Variants in ARPP21 observed in about 807,000 individuals in gnomAD.
ARPP21 encodes cAMP-regulated phosphoprotein 21.
ARPP21 carries 69 observed loss-of-function variants against 113.2 expected under a neutral mutation model. The ratio of observed to expected loss-of-function variants is 0.61; its 90% CI spans 0.50 to 0.74. The LOEUF (loss-of-function observed/expected upper bound fraction) is 0.74. Ranked by LOEUF, ARPP21 falls within the 30% of genes least tolerant of loss-of-function variation. The probability of loss-of-function intolerance (pLI) is 0.00; values close to 1 mark genes in which losing one functional copy is unlikely to be tolerated. For synonymous variants in ARPP21, 368 were observed against 375.5 expected (o/e 0.98, Z 0.23); for missense variants, 1,070 against 1,037.4 (o/e 1.03, Z -0.43).
rs759882309 is a variant in ARPP21 at position 35,682,851 on chromosome 3, C to G, written c.133C>G (p.Arg45Gly). ...TTATTTTCTTTCCAACATACAGAGG[C>G]GGCTGGAGGCTCAGAATCAAGAAAG... ...DEEEKLELQRRLEAQNQERRK... is the reference protein window; with the variant it reads ...DEEEKLELQRGLEAQNQERRK... The change falls in exon 4 of 21, where the codon CGG (arginine) becomes GGG (glycine). Residue 45 changes from arginine to glycine, a missense_variant. Coordinates refer to ENST00000684406, the MANE Select transcript of ARPP21 (RefSeq NM_001385562.1). 1 of 1,607,084 alleles carries G rather than the reference C, an allele frequency of 6.2e-7. No homozygotes were observed. Among genetic ancestry groups the G allele is most frequent in the African/African-American group, 1.3e-5 (1 of 74,326 alleles).
intron 9 of ARPP21, among the ~76,000 whole-genome samples, chr3:35,706,184 G>C (rs1381322639): frequency 6.6e-6 from 1 of 152,152 alleles, no homozygotes; most frequent in African/African-American, 2.4e-5. Flanking sequence ...CTCTGTGGAT[G>C]AACCCAAGTC....
chr3:35,694,460 ATT>A (rs2083196376), intron 9 of ARPP21, among the ~76,000 whole-genome samples: 1 of 149,944 alleles, frequency 6.7e-6, no homozygotes, highest in Admixed American at 6.7e-5. Flanking sequence ...GTAAATGTAT[ATT>A]ATTACATTTA....
chr3:35,664,971 G>A (rs532386259), intron 1 of ARPP21, among the ~76,000 whole-genome samples: 1 of 152,286 alleles, frequency 6.6e-6, no homozygotes, highest in Non-Finnish European at 1.5e-5. Context: ...CCTAATTCAA[G>A]TGAGACTTCT....
intron 19 of ARPP21, among the ~76,000 whole-genome samples, chr3:35,762,053 C>T (rs1205783473): frequency 1.3e-5 from 2 of 151,162 alleles, no homozygotes; most frequent in Admixed American, 1.3e-4. Context: ...TCCCTCAACA[C>T]CAAGGTCAAA....
Position 35,738,258 on chromosome 3 carries a change from A to G in ARPP21, c.1689A>G (p.Pro563=), listed in dbSNP as rs2012153. 690,038 of 1,534,614 alleles carry G rather than the reference A, an allele frequency of 0.45. 159,266 individuals are homozygous for G. Among genetic ancestry groups the G allele is most frequent in the African/African-American group, 0.48 (35,052 of 72,964 alleles). ...CTTCCTCCCAGTCAGTGCAATATCC[A>G]GCAGTCTCTTTTCCTCCCCAGCACC... ...LQASSQSVQY[P]AVSFPPQHLL... Residue 563 remains proline (P), a synonymous_variant, in exon 17 of 21, where the codon CCA becomes CCG. Coordinates refer to ENST00000684406, the MANE Select transcript of ARPP21 (RefSeq NM_001385562.1).
At chr3:35,693,683 G>T (rs1041132551) in intron 9 of ARPP21, among the ~76,000 whole-genome samples, 1 of 151,568 alleles carries the variant, frequency 6.6e-6, no homozygotes, top group African/African-American at 2.4e-5. Flanking sequence ...TAAGTGTCTT[G>T]GTTTTTTTGG....
At chr3:35,780,883 T>C (rs1401511087) in intron 19 of ARPP21, among the ~76,000 whole-genome samples, 1 of 151,892 alleles carries the variant, frequency 6.6e-6, no homozygotes. Flanking sequence ...AAGCAGGCAA[T>C]CAGAGACAGA....
chr3:35,649,856 C>T (rs1047739088), intron 1 of ARPP21, among the ~76,000 whole-genome samples: 8 of 152,102 alleles, frequency 5.3e-5, no homozygotes, highest in Non-Finnish European at 1.2e-4. Flanking sequence ...ACTGAATTCA[C>T]GTTTTACCCG....
chr3:35,732,501 C>A (rs568968940), intron 15 of ARPP21, among the ~76,000 whole-genome samples: 4 of 152,196 alleles, frequency 2.6e-5, no homozygotes, highest in Admixed American at 6.5e-5. Flanking sequence ...CATTTTCATT[C>A]TTCCAAGGCA....
intron 1 of ARPP21, among the ~76,000 whole-genome samples, chr3:35,661,078 A>T (rs1051839143): frequency 7.2e-5 from 11 of 152,146 alleles, no homozygotes; most frequent in Non-Finnish European, 1.6e-4. Flanking sequence ...CTGGGTAAAT[A>T]ATAGTTTATC....
rs578125714 is a variant in ARPP21 at position 35,780,785 on chromosome 3, T to C, written c.2138-11597T>C. Among the ~76,000 whole-genome samples the C allele has an allele frequency of 1.2e-3, 176 of 152,212 alleles. 1 individual carries two copies. The highest frequency in any genetic ancestry group is 3.8e-3 in the African/African-American group (157 of 41,536). ...CTGGGCATTAAGGCTTAGCAATTCGTATTTTAATAGGGCCCCAGAGGTTAT... is the reference window on the plus strand; with the variant it reads ...CTGGGCATTAAGGCTTAGCAATTCGCATTTTAATAGGGCCCCAGAGGTTAT... On this transcript the variant is annotated intron_variant, in intron 19 of 20. Transcript: ENST00000684406.
At chr3:35,695,791 G>C (rs1389875676) in intron 9 of ARPP21, among the ~76,000 whole-genome samples, 9 of 151,482 alleles carry the variant, frequency 5.9e-5, no homozygotes, top group African/African-American at 2.2e-4. Context: ...CATTTACTAA[G>C]AGCTGGGCAT....
intron 19 of ARPP21, chr3:35,774,790 AC>A (rs2096305324): frequency 6.6e-6 from 1 of 152,188 alleles, no homozygotes; most frequent in South Asian, 2.1e-4. Flanking sequence ...ATGCAAAATA[AC>A]TTTTGTATGT....
chr3:35,717,257 C>G (rs368708781), intron 12 of ARPP21, 41 bp from the exon 13 acceptor site: 1 of 1,216,166 alleles, frequency 8.2e-7, no homozygotes, highest in African/African-American at 1.5e-5. Context: ...ATTTAGTACC[C>G]TTAGGTTTTA....
intron 1 of ARPP21, among the ~76,000 whole-genome samples, chr3:35,675,522 CTCAT>C (rs1346367123): frequency 6.6e-6 from 1 of 151,874 alleles, no homozygotes; most frequent in African/African-American, 2.4e-5. Context: ...ATCCAGCTCT[CTCAT>C]TCAGATTATT....
At chr3:35,753,078 G>A (rs892426766) in intron 19 of ARPP21, among the ~76,000 whole-genome samples, 6 of 149,650 alleles carry the variant, frequency 4.0e-5, no homozygotes, top group African/African-American at 1.5e-4. Flanking sequence ...GTGTGTGTAA[G>A]TGAGAGAGAG....
At chr3:35,666,686 T>A (rs2074444846) in intron 1 of ARPP21, among the ~76,000 whole-genome samples, 1 of 152,214 alleles carries the variant, frequency 6.6e-6, no homozygotes, top group African/African-American at 2.4e-5. Context: ...TTTTCCATTA[T>A]CTTTACTTTT....
intron 1 of ARPP21, among the ~76,000 whole-genome samples, chr3:35,678,117 C>T (rs533732273): frequency 6.6e-6 from 1 of 152,022 alleles, no homozygotes; most frequent in South Asian, 2.1e-4. Flanking sequence ...ATGTGAATAT[C>T]AGTTTGTTCT....
intron 19 of ARPP21, among the ~76,000 whole-genome samples, chr3:35,760,941 G>A (rs1025218093): frequency 1.3e-5 from 2 of 152,080 alleles, no homozygotes; most frequent in Admixed American, 6.6e-5. Context: ...TTTGTGGGAA[G>A]AGTGCATTTC....
Sources: allele counts gnomAD v4.1 joint callset (sites outside exome capture counted in the v4.1 genomes callset), GRCh38; gene constraint gnomAD v4.1.1; transcripts MANE v1.5; gene names NCBI Gene and HGNC (gene_info 2026-07-23, HGNC 2026-07-21).